CNTNAP2: variants seen among roughly 807,000 people sequenced by gnomAD.
The protein encoded by CNTNAP2 is contactin associated protein 2.
CNTNAP2 carries 98 observed loss-of-function variants against 155.2 expected under a neutral mutation model. The observed-to-expected ratio is 0.63, with a 90% confidence interval of 0.54 to 0.75. The LOEUF (loss-of-function observed/expected upper bound fraction) is 0.75, where lower values mean the gene tolerates loss of function less well. CNTNAP2 is among the 30% of genes least tolerant of loss of function. CNTNAP2 has a pLI of 0.00. For missense variants in CNTNAP2, 1,727 were observed against 1,688.1 expected (o/e 1.02, Z -0.40); for synonymous variants, 651 against 631.2 (o/e 1.03, Z -0.47).
intron 1 of CNTNAP2, among the ~76,000 whole-genome samples, chr7:146,416,429 G>A (rs1418775513): frequency 6.6e-6 from 1 of 151,974 alleles, no homozygotes; most frequent in Non-Finnish European, 1.5e-5. Context: ...TCACCACATT[G>A]ATGCCAAATA....
chr7:146,689,534 TC>T (rs1800661808), intron 1 of CNTNAP2, among the ~76,000 whole-genome samples: 2 of 152,122 alleles, frequency 1.3e-5, no homozygotes, highest in Non-Finnish European at 2.9e-5. Flanking sequence ...TCCTTGAGAA[TC>T]TTTCATTTAT....
At chr7:148,024,696 A>G (rs1802346407) in intron 15 of CNTNAP2, among the ~76,000 whole-genome samples, 1 of 152,226 alleles carries the variant, frequency 6.6e-6, no homozygotes, top group Non-Finnish European at 1.5e-5. Flanking sequence ...ATTCTGTTAT[A>G]GCATGTTACA....
In CNTNAP2 at chr7:146,322,634, C is replaced by CTTTTTT. The variant is rs56287346; in HGVS notation, c.97+205674_97+205679dup. On this transcript the variant is annotated intron_variant, in intron 1 of 23. Coordinates refer to ENST00000361727, the MANE Select transcript of CNTNAP2 (RefSeq NM_014141.6). ...AAGAGGAGACTGTTGTGTTCATTCT[C>CTTTTTT]TTTTTTTTTTTTTTTTTTGCTGGCT... Among the ~76,000 whole-genome samples the CTTTTTT allele has an allele frequency of 2.8e-3, 182 of 64,944 alleles. 21 individuals are homozygous for CTTTTTT. Among genetic ancestry groups the CTTTTTT allele is most frequent in the African/African-American group, 9.3e-3 (167 of 18,008 alleles). 42.6% of individuals were successfully genotyped at this position (64,944 alleles called of 152,430 possible).
chr7:146,721,382 ATATACATTC>A (rs1801306212), intron 1 of CNTNAP2, among the ~76,000 whole-genome samples: 3 of 128,270 alleles, frequency 2.3e-5, no homozygotes, highest in Admixed American at 8.3e-5. Flanking sequence ...TATACATTCT[ATATACATTC>A]TATATACATT....
At chr7:146,415,439 A>G (rs901419468) in intron 1 of CNTNAP2, among the ~76,000 whole-genome samples, 5 of 152,204 alleles carry the variant, frequency 3.3e-5, no homozygotes, top group African/African-American at 1.2e-4. Flanking sequence ...CTTCAAAAAA[A>G]TCTTTATGTG....
chr7:146,918,192 A>C lies in CNTNAP2; in HGVS notation c.402+78288A>C, dbSNP rs537270790. On this transcript the variant is annotated intron_variant, in intron 3 of 23. Transcript: ENST00000361727. ...CCATTTACATTCAATATTAGTATTGAGAGGTGAGGTATTGTTTTATTCATC... is the reference window on the plus strand; with the variant it reads ...CCATTTACATTCAATATTAGTATTGCGAGGTGAGGTATTGTTTTATTCATC... Among the ~76,000 whole-genome samples the C allele has an allele frequency of 1.2e-4, 19 of 152,204 alleles. No homozygotes were observed. In the South Asian group the frequency reaches 3.3e-3, roughly 27 times the overall value.
intron 15 of CNTNAP2, among the ~76,000 whole-genome samples, chr7:148,034,683 G>A (rs1006261117): frequency 2.6e-5 from 4 of 152,208 alleles, no homozygotes; most frequent in African/African-American, 7.2e-5. Flanking sequence ...AAATGTAGAA[G>A]TAGCTTTGGA....
intron 15 of CNTNAP2, among the ~76,000 whole-genome samples, chr7:148,069,126 A>G (rs567913359): frequency 6.6e-6 from 1 of 152,030 alleles, no homozygotes; most frequent in African/African-American, 2.4e-5. Flanking sequence ...CCTGATCTCT[A>G]TGACTGTTTT....
At chr7:146,286,841 C>T (rs1220395731) in intron 1 of CNTNAP2, among the ~76,000 whole-genome samples, 1 of 152,152 alleles carries the variant, frequency 6.6e-6, no homozygotes, top group Non-Finnish European at 1.5e-5. Context: ...CACAGTGGCT[C>T]AGGCCTGTAA....
chr7:146,255,800 G>A (rs780791709), intron 1 of CNTNAP2, among the ~76,000 whole-genome samples: 3 of 152,116 alleles, frequency 2.0e-5, no homozygotes, highest in South Asian at 2.1e-4. Context: ...TGTAAGGGCC[G>A]GTTCCAGAGG....
intron 21 of CNTNAP2, among the ~76,000 whole-genome samples, chr7:148,363,024 C>T (rs1798656137): frequency 6.6e-6 from 1 of 152,144 alleles, no homozygotes; most frequent in Admixed American, 6.5e-5. Context: ...TTTTGTTGCC[C>T]AGGCTGGAGT....
rs369552173 is a variant in CNTNAP2 at position 146,983,059 on chromosome 7, T to C, written c.403-60848T>C. 1.6e-3 allele frequency among the ~76,000 whole-genome samples: 250 copies of C among 152,320 alleles called. 1 individual carries two copies. The highest frequency in any genetic ancestry group is 5.8e-3 in the African/African-American group (241 of 41,578). On this transcript the variant is annotated intron_variant, in intron 3 of 23. Transcript: ENST00000361727. The stretch of plus-strand genomic sequence containing the variant: ...TTAACATAATGTACACTGATAGTTT[T>C]GTTTGATAATTACCTACTTGAAATA...
intron 9 of CNTNAP2, among the ~76,000 whole-genome samples, chr7:147,383,096 A>C (rs1181510059): frequency 6.6e-6 from 1 of 150,684 alleles, no homozygotes; most frequent in African/African-American, 2.5e-5. Context: ...CCTAGAAAAA[A>C]AGTGATACTT....
At chr7:146,644,352 T>C (rs181004944) in intron 1 of CNTNAP2, among the ~76,000 whole-genome samples, 1,690 of 151,932 alleles carry the variant, frequency 0.011, 18 homozygotes, top group Non-Finnish European at 0.019. Flanking sequence ...TTATGGAGAG[T>C]TTTTAGCATG....
chr7:146,533,107 C>CA (rs553035616), intron 1 of CNTNAP2, among the ~76,000 whole-genome samples: 1,455 of 47,804 alleles, frequency 0.03, 183 homozygotes, highest in Non-Finnish European at 0.046. Flanking sequence ...GACCCTGTCT[C>CA]AAAAAAAAAA....
intron 1 of CNTNAP2, among the ~76,000 whole-genome samples, chr7:146,668,770 A>C (rs73455229): frequency 0.016 from 2,495 of 152,072 alleles, 68 homozygotes; most frequent in African/African-American, 0.058. Flanking sequence ...CTAGGTTTTC[A>C]ACTAGGTTTT....
chr7:147,701,182 G>C (rs1396925811), intron 13 of CNTNAP2, among the ~76,000 whole-genome samples: 3 of 152,144 alleles, frequency 2.0e-5, no homozygotes, highest in African/African-American at 7.2e-5. Context: ...AGACATTTTA[G>C]ATGTTGGACC....
intron 13 of CNTNAP2, among the ~76,000 whole-genome samples, chr7:147,879,103 A>T (rs545971528): frequency 6.6e-6 from 1 of 152,196 alleles, no homozygotes. Context: ...ACCCTTATAC[A>T]ATGTATGGTA....
At chr7:146,612,038 A>G (rs1337772873) in intron 1 of CNTNAP2, among the ~76,000 whole-genome samples, 1 of 152,176 alleles carries the variant, frequency 6.6e-6, no homozygotes, top group African/African-American at 2.4e-5. Context: ...ATCTACAATA[A>G]AAATATTTTT....
Sources: allele counts gnomAD v4.1 joint callset (sites outside exome capture counted in the v4.1 genomes callset), GRCh38; gene constraint gnomAD v4.1.1; transcripts MANE v1.5; gene names NCBI Gene and HGNC (gene_info 2026-07-23, HGNC 2026-07-21).